KHDRBS2: variants seen among roughly 807,000 people sequenced by gnomAD.
The protein encoded by KHDRBS2 is KH RNA binding domain containing, signal transduction associated 2, also known as KH domain-containing, RNA-binding, signal transduction-associated protein 2.
In KHDRBS2, 26 loss-of-function variants were observed where a neutral mutation model predicts 44.3. The ratio of observed to expected loss-of-function variants is 0.59; its 90% CI spans 0.43 to 0.81. The LOEUF (loss-of-function observed/expected upper bound fraction) is 0.81. Among genes scored for constraint, KHDRBS2 ranks in the 40% least tolerant of loss-of-function variants. KHDRBS2 has a pLI of 0.00. For synonymous variants in KHDRBS2, 194 were observed against 151.1 expected (o/e 1.28, Z -2.08); for missense variants, 476 against 433.1 (o/e 1.10, Z -0.88).
chr6:61,611,058 T>G, the KHDRBS2 span, among the ~76,000 whole-genome samples: 126,021 of 152,112 alleles, frequency 0.83, 52,436 homozygotes, highest in Non-Finnish European at 0.87. Context: ...ATCTCTTTGG[T>G]AAAAATATTT....
rs1399236968 is a variant in KHDRBS2 at position 62,240,696 on chromosome 6, A to G, written c.91+45162T>C. ...TGTATATATATATATATATATATATATATATATATATATATATATATAAAC... is the reference window on the plus strand; with the variant it reads ...TGTATATATATATATATATATATATGTATATATATATATATATATATAAAC... On this transcript the variant is annotated intron_variant, in intron 1 of 8. Transcript: ENST00000281156. Among the ~76,000 whole-genome samples, 125 of 131,876 alleles carry G rather than the reference A, an allele frequency of 9.5e-4. 2 individuals are homozygous for G. The highest frequency in any genetic ancestry group is 1.4e-3 in the Non-Finnish European group (89 of 61,916). 86.5% of individuals were successfully genotyped at this position (131,876 alleles called of 152,430 possible). A position where few individuals can be genotyped will look rare whatever the true frequency, so the allele number is the denominator to read the frequency against.
At chr6:61,663,417 T>TA in the KHDRBS2 span, among the ~76,000 whole-genome samples, 1 of 134,472 alleles carries the variant, frequency 7.4e-6, no homozygotes, top group Non-Finnish European at 1.6e-5. Flanking sequence ...AAAATTAAAT[T>TA]AAAAAAATAA....
At chr6:61,848,574 TAC>T (rs148873480) in intron 6 of KHDRBS2, among the ~76,000 whole-genome samples, 4,949 of 62,866 alleles carry the variant, frequency 0.079, 585 homozygotes, top group East Asian at 0.15. Flanking sequence ...TATATATATA[TAC>T]ATATATATAT....
At chr6:61,774,192 T>C (rs1027166027) in intron 6 of KHDRBS2, among the ~76,000 whole-genome samples, 2 of 152,198 alleles carry the variant, frequency 1.3e-5, no homozygotes, top group African/African-American at 2.4e-5. Context: ...AAGTCATTGG[T>C]AGCTTGATGG....
At chr6:61,848,536 T>A in intron 6 of KHDRBS2, among the ~76,000 whole-genome samples, 1 of 59,372 alleles carries the variant, frequency 1.7e-5, no homozygotes, top group Admixed American at 1.7e-4. Context: ...TATATACATA[T>A]ATATGTATAT....
At position 62,233,514 on chromosome 6, in the gene KHDRBS2, G is replaced by T. The variant is rs553732517; in HGVS notation, c.91+52344C>A. ...TTCAAAATTTAACTTTTGAGTTCAG[G>T]ATACATGTGCAGGTTGGCTATATTG... On this transcript the variant is annotated intron_variant, in intron 1 of 8. Coordinates refer to ENST00000281156, the MANE Select transcript of KHDRBS2 (RefSeq NM_152688.4). Among the ~76,000 whole-genome samples, 4 of 152,188 alleles carry T rather than the reference G, an allele frequency of 2.6e-5. No homozygotes were observed. In the South Asian group the frequency reaches 8.3e-4, roughly 32 times the overall value.
intron 2 of KHDRBS2, among the ~76,000 whole-genome samples, chr6:62,092,208 C>A (rs1297366384): frequency 1.3e-5 from 2 of 151,912 alleles, no homozygotes; most frequent in African/African-American, 4.8e-5. Flanking sequence ...TCATGTCAGA[C>A]AGTGAATTTG....
chr6:61,892,094 G>T (rs372794634), intron 6 of KHDRBS2, among the ~76,000 whole-genome samples: 2 of 151,890 alleles, frequency 1.3e-5, no homozygotes, highest in African/African-American at 2.4e-5. Flanking sequence ...ACAAGCATTC[G>T]TATACACCAA....
At chr6:62,138,778 TAA>T (rs1354762471) in intron 2 of KHDRBS2, among the ~76,000 whole-genome samples, 1 of 152,088 alleles carries the variant, frequency 6.6e-6, no homozygotes, top group Non-Finnish European at 1.5e-5. Context: ...TTAAGGAAAA[TAA>T]AGATATGTTA....
intron 4 of KHDRBS2, among the ~76,000 whole-genome samples, chr6:61,952,317 C>T (rs1427431546): frequency 6.6e-6 from 1 of 151,976 alleles, no homozygotes; most frequent in Non-Finnish European, 1.5e-5. Flanking sequence ...GGGACAATGG[C>T]TTTAGTGTCA....
At chr6:61,835,393 T>C (rs888756994) in intron 6 of KHDRBS2, among the ~76,000 whole-genome samples, 1 of 152,064 alleles carries the variant, frequency 6.6e-6, no homozygotes, top group African/African-American at 2.4e-5. Context: ...AGTTGTGTTG[T>C]GTGATCCCTG....
the KHDRBS2 span, among the ~76,000 whole-genome samples, chr6:61,620,000 T>C: frequency 6.6e-5 from 10 of 152,182 alleles, no homozygotes; most frequent in African/African-American, 2.4e-4. Flanking sequence ...GTGTAAGGGT[T>C]GTTGTGAGGA....
chr6:61,722,094 T>C (rs1003482939), intron 7 of KHDRBS2, among the ~76,000 whole-genome samples: 1 of 152,192 alleles, frequency 6.6e-6, no homozygotes, highest in Non-Finnish European at 1.5e-5. Context: ...TTGATTTGCG[T>C]GTGTTGAACC....
rs1397220655 is a variant in KHDRBS2 at position 62,286,052 on chromosome 6, G to A, written c.-104C>T. On this transcript the variant is annotated 5_prime_UTR_variant, in exon 1 of 9. Coordinates refer to ENST00000281156, the MANE Select transcript of KHDRBS2 (RefSeq NM_152688.4). ...CTGGCTCCCGCGCTGCTCCTCCTCC[G>A]CGCGGCGAGGGATCTCTGTGCGTCC... 2.8e-6 allele frequency: 2 copies of A among 720,060 alleles called. No homozygotes were observed. Among genetic ancestry groups the A allele is most frequent in the Non-Finnish European group, 4.9e-6 (2 of 407,860 alleles). 44.6% of individuals were successfully genotyped at this position (720,060 alleles called of 1,614,324 possible). A position where few individuals can be genotyped will look rare whatever the true frequency, so the allele number is the denominator to read the frequency against.
chr6:62,118,434 G>A (rs1375504725), intron 2 of KHDRBS2, among the ~76,000 whole-genome samples: 1 of 152,096 alleles, frequency 6.6e-6, no homozygotes, highest in South Asian at 2.1e-4. Flanking sequence ...TTGCTAAGGA[G>A]AATGTCATTG....
At chr6:61,747,042 GAA>G (rs66854016) in intron 6 of KHDRBS2, among the ~76,000 whole-genome samples, 56,539 of 141,466 alleles carry the variant, frequency 0.4, 11,732 homozygotes, top group Middle Eastern at 0.51. Context: ...GAAAAAAAAA[GAA>G]AAAAAAAAAC....
At chr6:62,160,256 GA>G (rs1453572365) in intron 2 of KHDRBS2, among the ~76,000 whole-genome samples, 1 of 152,020 alleles carries the variant, frequency 6.6e-6, no homozygotes, top group African/African-American at 2.4e-5. Context: ...TATGCTATGG[GA>G]AAAAAGAAAA....
chr6:61,811,984 CTTCT>C (rs1443947905), intron 6 of KHDRBS2, among the ~76,000 whole-genome samples: 1 of 151,934 alleles, frequency 6.6e-6, no homozygotes. Flanking sequence ...TTAAAATTAT[CTTCT>C]TTAATTATTA....
chr6:61,822,129 C>A (rs994420041), intron 6 of KHDRBS2, among the ~76,000 whole-genome samples: 1 of 151,996 alleles, frequency 6.6e-6, no homozygotes, highest in Non-Finnish European at 1.5e-5. Context: ...TCCAAACCAA[C>A]TTTTTCTGAT....
Sources: allele counts gnomAD v4.1 joint callset (sites outside exome capture counted in the v4.1 genomes callset), GRCh38; gene constraint gnomAD v4.1.1; transcripts MANE v1.5; gene names NCBI Gene and HGNC (gene_info 2026-07-23, HGNC 2026-07-21).